NUP214: variants seen among roughly 807,000 people sequenced by gnomAD.
The protein encoded by NUP214 is nuclear pore complex protein Nup214.
A neutral mutation model predicts 196.2 loss-of-function variants in NUP214; 79 were observed. That is an observed-to-expected ratio of 0.40 (90% CI 0.34 to 0.49). NUP214 has a LOEUF of 0.49. NUP214 is among the 20% of genes least tolerant of loss of function. The probability of loss-of-function intolerance (pLI) is 0.58; values close to 1 mark genes in which losing one functional copy is unlikely to be tolerated. For synonymous variants in NUP214, 1,020 were observed against 990.5 expected (o/e 1.03, Z -0.56); for missense variants, 2,468 against 2,539.0 (o/e 0.97, Z 0.60).
intron 11 of NUP214, among the ~76,000 whole-genome samples, chr9:131,143,276 T>C (rs1351828707): frequency 6.6e-6 from 1 of 152,220 alleles, no homozygotes; most frequent in Non-Finnish European, 1.5e-5. Flanking sequence ...CCCAAAGCTC[T>C]GGGATTACAG....
At position 131,146,244 on chromosome 9, in the gene NUP214, C is replaced by G; in HGVS notation, c.1885C>G (p.Pro629Ala). ...AASGPLSHPT[P>A]LSAPPSSVPL... ...TTCTGGACCACTCAGCCACCCCACACCTCTCTCAGCACCACCTAGTTCCGT... is the reference window on the plus strand; with the variant it reads ...TTCTGGACCACTCAGCCACCCCACAGCTCTCTCAGCACCACCTAGTTCCGT... Residue 629 changes from proline (P) to alanine (A), a missense_variant, in exon 13 of 36, where the codon CCT becomes GCT. Pro to Ala is a conservative substitution (Grantham distance 27). Coordinates refer to ENST00000359428, the MANE Select transcript of NUP214 (RefSeq NM_005085.4). The surrounding 1 kb of genome is among the most constrained non-coding windows in gnomAD (Gnocchi z 4.6). 1 of 1,614,146 alleles carries G rather than the reference C, an allele frequency of 6.2e-7. No individual in the cohort carries two copies. Among genetic ancestry groups the G allele is most frequent in the Non-Finnish European group, 8.5e-7 (1 of 1,180,024 alleles).
chr9:131,227,234 C>T (rs1364649526), intron 32 of NUP214, among the ~76,000 whole-genome samples: 1 of 152,248 alleles, frequency 6.6e-6, no homozygotes, highest in Non-Finnish European at 1.5e-5. Context: ...CACCAGCAAT[C>T]AGAGTAGGGT....
At chr9:131,157,649 T>G (rs1337569971) in intron 17 of NUP214, among the ~76,000 whole-genome samples, 1 of 151,660 alleles carries the variant, frequency 6.6e-6, no homozygotes, top group Non-Finnish European at 1.5e-5. Flanking sequence ...TTTTTGTTTT[T>G]TGTGTTTTGT....
intron 11 of NUP214, among the ~76,000 whole-genome samples, chr9:131,143,340 T>G (rs1831983059): frequency 6.6e-6 from 1 of 152,146 alleles, no homozygotes; most frequent in African/African-American, 2.4e-5. Flanking sequence ...TTTTTAACCA[T>G]TTGGATTGCA....
intron 23 of NUP214, among the ~76,000 whole-genome samples, chr9:131,176,016 G>A (rs1275058074): frequency 6.6e-6 from 1 of 152,074 alleles, no homozygotes; most frequent in Non-Finnish European, 1.5e-5. Context: ...CCAAGAGGTA[G>A]GTATTTGAAT....
intron 32 of NUP214, among the ~76,000 whole-genome samples, chr9:131,226,808 T>C (rs1368555184): frequency 6.6e-6 from 1 of 152,152 alleles, no homozygotes; most frequent in Non-Finnish European, 1.5e-5. Context: ...AATCACAAAA[T>C]AACAGTTAAC....
At chr9:131,181,198 A>T (rs1342121018) in intron 24 of NUP214, among the ~76,000 whole-genome samples, 1 of 152,142 alleles carries the variant, frequency 6.6e-6, no homozygotes, top group Non-Finnish European at 1.5e-5. Context: ...GAAAGCTCCA[A>T]GCACAGGGCC....
At chr9:131,211,938 C>T (rs1434965605) in intron 30 of NUP214, among the ~76,000 whole-genome samples, 1 of 152,208 alleles carries the variant, frequency 6.6e-6, no homozygotes, top group Admixed American at 6.5e-5. Flanking sequence ...ACCATTGGGC[C>T]TGACTGCCTG....
chr9:131,146,119 C>T lies in NUP214; in HGVS notation c.1770-10C>T. The T allele has an allele frequency of 6.2e-7, 1 of 1,613,958 alleles. No homozygotes were observed. On this transcript the variant is annotated splice_polypyrimidine_tract_variant and intron_variant, in intron 12 of 35. Transcript: ENST00000359428. The surrounding 1 kb of genome is among the most constrained non-coding windows in gnomAD (Gnocchi z 4.6). ...GGCTCTTCTGAGGCCTTCAGGCTGC[C>T]ATTTTTCAGGTTTACTGCTGCAGCT...
At chr9:131,214,923 G>A (rs535572726) in intron 30 of NUP214, among the ~76,000 whole-genome samples, 7 of 152,286 alleles carry the variant, frequency 4.6e-5, no homozygotes, top group African/African-American at 7.2e-5. Flanking sequence ...CTGGCATTGT[G>A]TCAAACAGAC....
Position 131,198,645 on chromosome 9 carries a change from C to T in NUP214, c.5151C>T (p.Ala1717=). The T allele has an allele frequency of 1.2e-6, 2 of 1,614,226 alleles. No homozygotes were observed. The highest frequency in any genetic ancestry group is 2.2e-5 in the South Asian group (2 of 91,092). Reference sequence around the variant, plus strand: ...GCAGCCCAGCTTTTGGTACCACAGCCCCAGGGGTCTTTGGACAGACAACCT... The same window carrying T: ...GCAGCCCAGCTTTTGGTACCACAGCTCCAGGGGTCTTTGGACAGACAACCT... ...GFSSPAFGTT[A]PGVFGQTTFG... Residue 1717 remains alanine (A), a synonymous_variant, in exon 29 of 36, where the codon GCC becomes GCT. Transcript: ENST00000359428.
chr9:131,152,045 T>TG (rs1832285354), intron 17 of NUP214, 151 bp downstream of exon 17: 3 of 602,656 alleles, frequency 5.0e-6, no homozygotes, highest in Non-Finnish European at 8.3e-6. Flanking sequence ...TAAACTTCCT[T>TG]AACTGTGGCA....
intron 30 of NUP214, among the ~76,000 whole-genome samples, chr9:131,208,129 G>A (rs1362799528): frequency 2.0e-5 from 3 of 152,066 alleles, no homozygotes; most frequent in Non-Finnish European, 4.4e-5. Flanking sequence ...ATTGCTGATG[G>A]GAATGCAAAA....
At chr9:131,222,359 G>C (rs1834586421) in intron 31 of NUP214, 1 of 156,406 alleles carries the variant, frequency 6.4e-6, no homozygotes, top group African/African-American at 2.4e-5. Flanking sequence ...AAAATTTGAA[G>C]TTGGTCTTGT....
chr9:131,211,212 A>G (rs922884711), intron 30 of NUP214, among the ~76,000 whole-genome samples: 2 of 152,216 alleles, frequency 1.3e-5, no homozygotes, highest in African/African-American at 2.4e-5. Flanking sequence ...AGTGTTAAGT[A>G]CTGTGAAATA....
intron 18 of NUP214, among the ~76,000 whole-genome samples, chr9:131,160,119 C>T (rs137875645): frequency 6.6e-6 from 1 of 151,610 alleles, no homozygotes; most frequent in South Asian, 2.1e-4. Context: ...AGCATGTTCT[C>T]CAATAAATTA....
intron 33 of NUP214, chr9:131,229,112 G>C (rs1285061641): frequency 2.0e-5 from 3 of 153,280 alleles, no homozygotes; most frequent in African/African-American, 4.8e-5. Context: ...TGAAGGTTTG[G>C]GGGAGGGGAG....
intron 17 of NUP214, among the ~76,000 whole-genome samples, chr9:131,157,302 AG>A (rs1832482536): frequency 6.6e-6 from 1 of 152,038 alleles, no homozygotes; most frequent in Non-Finnish European, 1.5e-5. Flanking sequence ...CTAGGACTAC[AG>A]GCACACGCCA....
chr9:131,137,676 A>G (rs910805108), intron 9 of NUP214, among the ~76,000 whole-genome samples: 2 of 149,572 alleles, frequency 1.3e-5, no homozygotes, highest in Non-Finnish European at 3.0e-5. Context: ...TCAGCCTCCT[A>G]GTAGCTGGGA....
Sources: gnomAD v4.1 joint callset for allele counts (sites outside exome capture counted in the v4.1 genomes callset) on GRCh38, gnomAD v4.1.1 for gene constraint, Gnocchi (gnomAD v3.1) non-coding constraint, MANE v1.5 for transcripts, NCBI Gene and HGNC (gene_info 2026-07-23, HGNC 2026-07-21) for gene names.